GPS1: variants seen among roughly 807,000 people sequenced by gnomAD.
GPS1 encodes COP9 signalosome complex subunit 1.
GPS1 carries 11 observed loss-of-function variants against 60.0 expected under a neutral mutation model. That is an observed-to-expected ratio of 0.18 (90% CI 0.12 to 0.30). The LOEUF (loss-of-function observed/expected upper bound fraction) is 0.30. Among genes scored for constraint, GPS1 ranks in the 10% least tolerant of loss-of-function variants. GPS1 has a pLI of 1.00. For synonymous variants in GPS1, 343 were observed against 269.8 expected (o/e 1.27, Z -2.66); for missense variants, 543 against 669.2 (o/e 0.81, Z 2.08).
intron 6 of GPS1, 64 bp downstream of exon 6, chr17:82,055,286 G>A: frequency 6.8e-7 from 1 of 1,480,916 alleles, no homozygotes; most frequent in Non-Finnish European, 9.2e-7. Flanking sequence ...TCCCAGCCCA[G>A]GGCAGTAGGC....
At chr17:82,054,478 G>A (rs1411974435) in intron 3 of GPS1, 32 bp from the exon 4 acceptor site, 21 of 1,460,354 alleles carry the variant, frequency 1.4e-5, no homozygotes, top group African/African-American at 2.8e-5. Context: ...CCCCGTGACC[G>A]CCGCCATCCT....
upstream of GPS1, chr17:82,051,333 A>G (rs1438298807): frequency 6.8e-7 from 1 of 1,460,384 alleles, no homozygotes; most frequent in Non-Finnish European, 9.0e-7. The surrounding 1 kb of genome is among the most constrained non-coding windows in gnomAD (Gnocchi z 4.1). Flanking sequence ...CCGTCGGTGA[A>G]GATAAACGTC....
chr17:82,051,953 T>C lies in GPS1; in HGVS notation c.22T>C (p.Phe8Leu). The C allele has an allele frequency of 8.6e-7, 1 of 1,164,804 alleles. No homozygotes were observed. The highest frequency in any genetic ancestry group is 1.1e-6 in the Non-Finnish European group (1 of 943,866). The allele number at this position is 1,164,804 out of a possible 1,614,324, so 72.2% of individuals were successfully genotyped here. A position where few individuals can be genotyped will look rare whatever the true frequency, so the allele number is the denominator to read the frequency against. Residue 8 changes from phenylalanine to leucine, a missense_variant, in exon 1 of 13, where the codon TTT (phenylalanine) becomes CTT (leucine). Coordinates refer to ENST00000578552, the MANE Select transcript of GPS1 (RefSeq NM_001321092.3). The surrounding 1 kb of genome is among the most constrained non-coding windows in gnomAD (Gnocchi z 4.1). MPLPVQVFNLQGAVEPMQ... is the reference protein window; with the variant it reads MPLPVQVLNLQGAVEPMQ... ...CAAGATGCCGCTGCCGGTTCAGGTG[T>C]TTAACTTGCAGGTAACGAGCCGAGG...
intron 6 of GPS1, 168 bp downstream of exon 6, chr17:82,055,390 G>C (rs898919602): frequency 4.2e-6 from 3 of 722,356 alleles, no homozygotes; most frequent in African/African-American, 1.8e-5. Context: ...AGTCTGCCCC[G>C]GGGAAGCCAG....
chr17:82,053,791 C>T, intron 2 of GPS1, 77 bp from the exon 3 acceptor site: 1 of 1,428,344 alleles, frequency 7.0e-7, no homozygotes, highest in Non-Finnish European at 9.5e-7. Flanking sequence ...AGTCAGGCCC[C>T]AACTCCTGAC....
intron 3 of GPS1, 108 bp from the exon 4 acceptor site, chr17:82,054,402 A>G: frequency 7.3e-7 from 1 of 1,375,050 alleles, no homozygotes; most frequent in Non-Finnish European, 9.6e-7. Flanking sequence ...GGAGGTGCCC[A>G]CCTGTGTGCC....
At chr17:82,054,190 C>A in intron 3 of GPS1, 141 bp downstream of exon 3, 1 of 974,284 alleles carries the variant, frequency 1.0e-6, no homozygotes, top group Non-Finnish European at 1.5e-6. Flanking sequence ...TCTCTTTTGG[C>A]CAGCAGTGGA....
chr17:82,055,852 G>C, intron 7 of GPS1, 27 bp downstream of exon 7: 1 of 1,539,376 alleles, frequency 6.5e-7, no homozygotes, highest in Non-Finnish European at 8.8e-7. Context: ...GGACTTGGGA[G>C]GCAGAGCATG....
At chr17:82,051,101 T>C (rs1188123334), upstream of GPS1, 3 of 1,356,030 alleles carry the variant, frequency 2.2e-6, no homozygotes, top group Non-Finnish European at 2.8e-6. The surrounding 1 kb of genome is among the most constrained non-coding windows in gnomAD (Gnocchi z 4.1). Context: ...TGTGAGAGGC[T>C]GGTGGGGAGC....
chr17:82,052,132 G>A, intron 1 of GPS1, 168 bp downstream of exon 1: 1 of 942,644 alleles, frequency 1.1e-6, no homozygotes, highest in Non-Finnish European at 1.4e-6. Context: ...CCGAGGGCGC[G>A]TCTCCGCCGT....
At chr17:82,051,086 G>A (rs772420236), upstream of GPS1, 7 of 1,370,454 alleles carry the variant, frequency 5.1e-6, no homozygotes, top group East Asian at 1.7e-4. This position sits in a 1 kb window ranked among gnomAD's most constrained non-coding sequence, Gnocchi z 4.1. Context: ...CCGGGAAGCG[G>A]CTAGTGTGAG....
intron 12 of GPS1, 39 bp from the exon 13 acceptor site, chr17:82,057,014 G>C (rs759327834): frequency 8.7e-6 from 14 of 1,611,294 alleles, no homozygotes; most frequent in African/African-American, 1.3e-5. Flanking sequence ...CGGCGTGTGG[G>C]GCCTGGTGGC....
rs772045461 is a variant in GPS1, at chr17:82,055,988, C to G, written c.835-13C>G. On this transcript the variant is annotated splice_polypyrimidine_tract_variant and intron_variant, in intron 7 of 12. Coordinates refer to ENST00000578552, the MANE Select transcript of GPS1 (RefSeq NM_001321092.3). ...CCCTTCACTGCCTGTGACGCCAGGT[C>G]TCTGCTCCTCAGCTGCTGTCCCCCA... 1.3e-6 allele frequency: 2 copies of G among 1,596,382 alleles called. No individual in the cohort carries two copies. Among genetic ancestry groups the G allele is most frequent in the Non-Finnish European group, 1.7e-6 (2 of 1,165,300 alleles).
intron 1 of GPS1, chr17:82,052,173 C>A: frequency 1.6e-6 from 2 of 1,261,886 alleles, no homozygotes; most frequent in Non-Finnish European, 2.1e-6. Context: ...GGCCGCCGGG[C>A]CGCGCCCGCC....
At chr17:82,055,301 C>A in intron 6 of GPS1, 79 bp downstream of exon 6, 1 of 1,405,302 alleles carries the variant, frequency 7.1e-7, no homozygotes, top group Non-Finnish European at 9.9e-7. Context: ...GTAGGCTGGT[C>A]CCTGCCTCAG....
rs1210797472 is a variant in GPS1, at chr17:82,054,507, C to T, written c.309-3C>T. ...CCATCCTGATGGCCAGGTCCTCTCT[C>T]AGGGAGCTGCAGAACGCACCCGACG... On this transcript the variant is annotated splice_region_variant and splice_polypyrimidine_tract_variant and intron_variant, in intron 3 of 12. Transcript: ENST00000578552. 1 of 1,511,476 alleles carries T rather than the reference C, an allele frequency of 6.6e-7. No individual in the cohort carries two copies. Among genetic ancestry groups the T allele is most frequent in the Non-Finnish European group, 8.8e-7 (1 of 1,132,700 alleles). The allele number at this position is 1,511,476 out of a possible 1,614,324, so 93.6% of individuals were successfully genotyped here. A position where few individuals can be genotyped will look rare whatever the true frequency, so the allele number is the denominator to read the frequency against.
At position 82,057,449 on chromosome 17, in the gene GPS1, A is replaced by G. The variant is rs1196432695; in HGVS notation, c.*322A>G. On this transcript the variant is annotated 3_prime_UTR_variant, in exon 13 of 13. Transcript: ENST00000578552. ...AGGTGCAGACAAGTGGGCGGTGTCC[A>G]TTAAAGAGCAGACTCAGCGTTGCTC... 7.5e-6 allele frequency: 4 copies of G among 534,056 alleles called. No homozygotes were observed. The highest frequency in any genetic ancestry group is 1.4e-5 in the Non-Finnish European group (4 of 275,944). 33.1% of individuals were successfully genotyped at this position (534,056 alleles called of 1,614,324 possible).
chr17:82,055,598 T>C, intron 6 of GPS1, 142 bp from the exon 7 acceptor site: 1 of 642,820 alleles, frequency 1.6e-6, no homozygotes, highest in Non-Finnish European at 2.8e-6. Context: ...TCCCCAGCGC[T>C]GAGGAACAGC....
rs1203076123 is a variant in GPS1 at position 82,056,626 on chromosome 17, C to A, written c.1117-3C>A. On this transcript the variant is annotated splice_region_variant and splice_polypyrimidine_tract_variant and intron_variant, in intron 10 of 12. Transcript: ENST00000578552. ...GTGGAGCTGACTTCCCTCTGCCCTGCAGTATTTCAGCCCCTACGTGTCAGC... is the reference window on the plus strand; with the variant it reads ...GTGGAGCTGACTTCCCTCTGCCCTGAAGTATTTCAGCCCCTACGTGTCAGC... The A allele has an allele frequency of 1.2e-6, 2 of 1,611,668 alleles. No homozygotes were observed. Among genetic ancestry groups the A allele is most frequent in the Non-Finnish European group, 1.7e-6 (2 of 1,179,428 alleles).
Sources: allele counts gnomAD v4.1 joint callset, GRCh38; gene constraint gnomAD v4.1.1; non-coding constraint Gnocchi (gnomAD v3.1); transcripts MANE v1.5; gene names NCBI Gene and HGNC (gene_info 2026-07-23, HGNC 2026-07-21).